PTPRO: variants seen among roughly 807,000 people sequenced by gnomAD.
The protein encoded by PTPRO is protein tyrosine phosphatase receptor type O.
PTPRO carries 62 observed loss-of-function variants against 145.2 expected under a neutral mutation model. The ratio of observed to expected loss-of-function variants is 0.43; its 90% CI spans 0.35 to 0.53. The LOEUF (loss-of-function observed/expected upper bound fraction) is 0.53. Ranked by LOEUF, PTPRO falls within the 20% of genes least tolerant of loss-of-function variation. The pLI is 0.01. For missense variants in PTPRO, 1,345 were observed against 1,482.7 expected (o/e 0.91, Z 1.53); for synonymous variants, 565 against 514.7 (o/e 1.10, Z -1.32).
At chr12:15,563,195 C>A (rs1358599949) in intron 17 of PTPRO, among the ~76,000 whole-genome samples, 1 of 152,062 alleles carries the variant, frequency 6.6e-6, no homozygotes, top group Non-Finnish European at 1.5e-5. Context: ...TAAAAGTGCA[C>A]AATCCTCTAT....
At chr12:15,379,392 A>T (rs1386121237) in intron 1 of PTPRO, among the ~76,000 whole-genome samples, 4 of 151,370 alleles carry the variant, frequency 2.6e-5, no homozygotes, top group African/African-American at 4.9e-5. Context: ...TTACCTGGGC[A>T]TGGGGGCGCA....
chr12:15,592,463 C>T (rs1014387324), intron 25 of PTPRO, among the ~76,000 whole-genome samples: 3 of 152,062 alleles, frequency 2.0e-5, no homozygotes, highest in Admixed American at 2.0e-4. Flanking sequence ...CCCACCATTC[C>T]ACCTCACCCA....
At chr12:15,500,903 CAG>C (rs561797683) in intron 4 of PTPRO, among the ~76,000 whole-genome samples, 1 of 152,106 alleles carries the variant, frequency 6.6e-6, no homozygotes, top group Admixed American at 6.5e-5. Context: ...GCCTGGGCAA[CAG>C]AGAGAGATAC....
chr12:15,546,041 T>C (rs1488033912), intron 12 of PTPRO, among the ~76,000 whole-genome samples: 4 of 152,056 alleles, frequency 2.6e-5, no homozygotes, highest in African/African-American at 9.7e-5. Context: ...TGATACTATC[T>C]GTTTAGCTTT....
chr12:15,349,015 A>G (rs1215979773), intron 1 of PTPRO, among the ~76,000 whole-genome samples: 1 of 152,240 alleles, frequency 6.6e-6, no homozygotes, highest in Non-Finnish European at 1.5e-5. Flanking sequence ...ATTCTTAATT[A>G]ATGTCTCTTT....
chr12:15,467,857 G>A (rs916896006), intron 1 of PTPRO, among the ~76,000 whole-genome samples: 10 of 152,180 alleles, frequency 6.6e-5, no homozygotes, highest in African/African-American at 2.2e-4. Flanking sequence ...CTCATACAAA[G>A]CATTTGTGAA....
intron 20 of PTPRO, 52 bp downstream of exon 20, chr12:15,578,995 T>G: frequency 4.9e-6 from 7 of 1,437,162 alleles, no homozygotes; most frequent in Non-Finnish European, 6.9e-6. Flanking sequence ...GTTGAAGGAC[T>G]GTCATTGCAG....
At chr12:15,457,712 TAAC>T (rs1439496583) in intron 1 of PTPRO, among the ~76,000 whole-genome samples, 1 of 152,210 alleles carries the variant, frequency 6.6e-6, no homozygotes, top group Admixed American at 6.5e-5. Flanking sequence ...TTTAAGCTGA[TAAC>T]AACTTATTTT....
At chr12:15,391,784 T>C (rs912620129) in intron 1 of PTPRO, among the ~76,000 whole-genome samples, 5 of 152,168 alleles carry the variant, frequency 3.3e-5, no homozygotes, top group Admixed American at 6.5e-5. Context: ...ATTAACACCA[T>C]GAATCCTGCA....
At chr12:15,411,173 C>A (rs898462235) in intron 1 of PTPRO, among the ~76,000 whole-genome samples, 2 of 152,140 alleles carry the variant, frequency 1.3e-5, no homozygotes, top group African/African-American at 4.8e-5. Flanking sequence ...TAACATGTAT[C>A]TTTACTTCCA....
intron 1 of PTPRO, among the ~76,000 whole-genome samples, chr12:15,383,022 A>G (rs912848655): frequency 2.6e-5 from 4 of 152,206 alleles, no homozygotes; most frequent in African/African-American, 9.6e-5. Context: ...CAATATTATT[A>G]ACAATAATCA....
At chr12:15,512,382 T>C (rs1942460331) in intron 7 of PTPRO, among the ~76,000 whole-genome samples, 1 of 152,174 alleles carries the variant, frequency 6.6e-6, no homozygotes, top group African/African-American at 2.4e-5. Flanking sequence ...CCCAAAGTGC[T>C]GGGATTACAG....
At chr12:15,357,815 G>A (rs1297530751) in intron 1 of PTPRO, among the ~76,000 whole-genome samples, 2 of 149,324 alleles carry the variant, frequency 1.3e-5, no homozygotes, top group African/African-American at 2.5e-5. Flanking sequence ...AACCATTGTG[G>A]AAGTCAGTGT....
At position 15,472,740 on chromosome 12, in the gene PTPRO, G is replaced by A. The variant is rs74070713; in HGVS notation, c.76-11234G>A. On this transcript the variant is annotated intron_variant, in intron 1 of 26. Coordinates refer to ENST00000281171, the MANE Select transcript of PTPRO (RefSeq NM_030667.3). ...ATCAAACAAATTAAAGAATATGTTGGGCTTTATTCACTCGTGTCACCAAAC... is the reference window on the plus strand; with the variant it reads ...ATCAAACAAATTAAAGAATATGTTGAGCTTTATTCACTCGTGTCACCAAAC... Among the ~76,000 whole-genome samples, 365 of 152,256 alleles carry A rather than the reference G, an allele frequency of 2.4e-3. 3 individuals are homozygous for A. Among genetic ancestry groups the A allele is most frequent in the African/African-American group, 8.5e-3 (351 of 41,538 alleles).
intron 11 of PTPRO, 23 bp from the exon 12 acceptor site, chr12:15,526,119 C>G (rs770333213): frequency 1.2e-6 from 2 of 1,613,524 alleles, no homozygotes; most frequent in Admixed American, 3.3e-5. Flanking sequence ...AAGTTTAAAC[C>G]CTTGATTTTG....
intron 15 of PTPRO, among the ~76,000 whole-genome samples, chr12:15,552,795 C>CTTTTTTTTT (rs747379253): frequency 3.3e-5 from 3 of 91,548 alleles, no homozygotes; most frequent in African/African-American, 4.3e-5. Context: ...GAGGTCAAAT[C>CTTTTTTTTT]TTTTTTTTTT....
intron 1 of PTPRO, among the ~76,000 whole-genome samples, chr12:15,325,093 CT>C (rs1866410401): frequency 6.6e-6 from 1 of 152,146 alleles, no homozygotes; most frequent in African/African-American, 2.4e-5. Context: ...GAAACATTCT[CT>C]CAACTCTCCC....
At chr12:15,500,055 T>C (rs1942186181) in intron 4 of PTPRO, among the ~76,000 whole-genome samples, 1 of 148,602 alleles carries the variant, frequency 6.7e-6, no homozygotes, top group Non-Finnish European at 1.5e-5. Flanking sequence ...GGATGGATAG[T>C]TGCATGGATG....
At chr12:15,415,529 CA>C (rs1243890332) in intron 1 of PTPRO, among the ~76,000 whole-genome samples, 8 of 151,546 alleles carry the variant, frequency 5.3e-5, no homozygotes, top group African/African-American at 1.7e-4. Flanking sequence ...GGACTACAGG[CA>C]CCTGCCACCA....
Sources: gnomAD v4.1 joint callset for allele counts (sites outside exome capture counted in the v4.1 genomes callset) on GRCh38, gnomAD v4.1.1 for gene constraint, MANE v1.5 for transcripts, NCBI Gene and HGNC (gene_info 2026-07-23, HGNC 2026-07-21) for gene names.